The following DAB1 variants were observed in gnomAD, a reference collection of about 807,000 sequenced individuals.
DAB1 encodes DAB adaptor protein 1.
A neutral mutation model predicts 64.6 loss-of-function variants in DAB1; 15 were observed. The observed-to-expected ratio is 0.23, with a 90% CI of 0.16 to 0.36. DAB1 has a LOEUF of 0.36. Among genes scored for constraint, DAB1 ranks in the 10% least tolerant of loss-of-function variants. The pLI is 1.00. For missense variants in DAB1, 596 were observed against 706.7 expected (o/e 0.84, Z 1.78); for synonymous variants, 235 against 251.9 (o/e 0.93, Z 0.64).
chr1:57,504,507 TA>T lies in DAB1; in HGVS notation n.625+145084del, dbSNP rs568427773. Among the ~76,000 whole-genome samples the T allele has an allele frequency of 1.3e-3, 204 of 152,272 alleles. 1 individual carries two copies. Among genetic ancestry groups the T allele is most frequent in the African/African-American group, 4.7e-3 (197 of 41,556 alleles). On this transcript the variant is annotated intron_variant and non_coding_transcript_variant, in intron 7 of 20. Transcript: ENST00000485760. Reference sequence around the variant, plus strand: ...CAGTATTAGATTATAACACAAAGTATAAAATAAATATCCTTGAGTCCATACT... The same window carrying T: ...CAGTATTAGATTATAACACAAAGTATAAATAAATATCCTTGAGTCCATACT...
At chr1:57,714,288 G>A (rs1483120537) in intron 6 of DAB1, among the ~76,000 whole-genome samples, 4 of 152,228 alleles carry the variant, frequency 2.6e-5, no homozygotes, top group African/African-American at 9.6e-5. Context: ...CTTAACCAAT[G>A]TCACATAGCT....
chr1:57,697,459 G>A (rs532975789), intron 6 of DAB1, among the ~76,000 whole-genome samples: 39 of 143,930 alleles, frequency 2.7e-4, no homozygotes, highest in Admixed American at 5.6e-4. Context: ...AAGGAGGGGC[G>A]AAGTAGTACA....
intron 1 of DAB1, among the ~76,000 whole-genome samples, chr1:57,310,369 A>T (rs1037103128): frequency 1.3e-5 from 2 of 152,206 alleles, no homozygotes; most frequent in Non-Finnish European, 1.5e-5. Flanking sequence ...TGAGGCAGAA[A>T]TAAGCCAAGC....
intron 3 of DAB1, among the ~76,000 whole-genome samples, chr1:58,396,182 C>T (rs1644520518): frequency 6.6e-6 from 1 of 151,896 alleles, no homozygotes; most frequent in Non-Finnish European, 1.5e-5. Flanking sequence ...GTGCTGGGCT[C>T]ACACTTCAAG....
At chr1:57,419,493 TA>T (rs201933527) in intron 1 of DAB1, among the ~76,000 whole-genome samples, 25,565 of 131,610 alleles carry the variant, frequency 0.19, 2,238 homozygotes, top group Middle Eastern at 0.23. Context: ...TATTTCCAAT[TA>T]AAAAAAAAAA....
intron 5 of DAB1, among the ~76,000 whole-genome samples, chr1:58,025,089 TC>T (rs1646870039): frequency 1.3e-5 from 2 of 151,706 alleles, no homozygotes; most frequent in African/African-American, 4.8e-5. Flanking sequence ...CTTCCTTCCC[TC>T]ACTCCCTTTT....
At chr1:58,455,462 G>A (rs1258996250) in intron 3 of DAB1, among the ~76,000 whole-genome samples, 1 of 152,246 alleles carries the variant, frequency 6.6e-6, no homozygotes, top group African/African-American at 2.4e-5. Context: ...TGCAGGCACT[G>A]GCCATTGGAA....
chr1:57,573,233 T>A (rs1423338571), intron 7 of DAB1, among the ~76,000 whole-genome samples: 1 of 151,992 alleles, frequency 6.6e-6, no homozygotes, highest in African/African-American at 2.4e-5. Flanking sequence ...GACTCAGGTG[T>A]ATACCATCAC....
chr1:57,562,158 A>T (rs1390959388), intron 7 of DAB1, among the ~76,000 whole-genome samples: 1 of 152,200 alleles, frequency 6.6e-6, no homozygotes, highest in African/African-American at 2.4e-5. Context: ...GGACTACCTG[A>T]GTTCAGGAGT....
intron 1 of DAB1, among the ~76,000 whole-genome samples, chr1:57,312,973 G>T (rs1317542210): frequency 6.6e-6 from 1 of 152,158 alleles, no homozygotes; most frequent in Non-Finnish European, 1.5e-5. Flanking sequence ...TTGCTCTCAT[G>T]AAGCCCTGGG....
chr1:58,118,122 G>A (rs903312573), intron 5 of DAB1, among the ~76,000 whole-genome samples: 3 of 151,410 alleles, frequency 2.0e-5, no homozygotes, highest in African/African-American at 7.3e-5. Flanking sequence ...CATTGCCCAG[G>A]CTGGTCTTGA....
At chr1:57,126,671 T>C (rs1344446422) in intron 4 of DAB1, among the ~76,000 whole-genome samples, 3 of 152,168 alleles carry the variant, frequency 2.0e-5, no homozygotes, top group African/African-American at 7.2e-5. Context: ...ATTACTATTG[T>C]TTTCATTGGC....
intron 7 of DAB1, among the ~76,000 whole-genome samples, chr1:57,468,013 G>A (rs1437477786): frequency 6.6e-6 from 1 of 152,108 alleles, no homozygotes; most frequent in Non-Finnish European, 1.5e-5. Context: ...GAACTCCTGG[G>A]GCTGCCAGTC....
At chr1:57,541,434 A>C (rs1047971791) in intron 7 of DAB1, among the ~76,000 whole-genome samples, 1 of 152,150 alleles carries the variant, frequency 6.6e-6, no homozygotes, top group Admixed American at 6.5e-5. Context: ...CAGCCAATAA[A>C]AACTTTAAAA....
intron 7 of DAB1, among the ~76,000 whole-genome samples, chr1:57,442,316 A>G (rs1160062375): frequency 1.3e-5 from 2 of 152,240 alleles, no homozygotes; most frequent in Non-Finnish European, 2.9e-5. Flanking sequence ...AGTAGTAATC[A>G]TTAATTTGGA....
chr1:58,296,998 G>C (rs1459806083), intron 4 of DAB1, among the ~76,000 whole-genome samples: 1 of 152,186 alleles, frequency 6.6e-6, no homozygotes, highest in African/African-American at 2.4e-5. Flanking sequence ...AGCTTCTAGA[G>C]AGTGCAGCCT....
At chr1:58,261,009 G>A (rs1361606793) in intron 4 of DAB1, among the ~76,000 whole-genome samples, 1 of 152,056 alleles carries the variant, frequency 6.6e-6, no homozygotes, top group Non-Finnish European at 1.5e-5. Flanking sequence ...AATAATTTAT[G>A]TGCAATAATT....
intron 1 of DAB1, among the ~76,000 whole-genome samples, chr1:57,293,825 C>T (rs1672978355): frequency 6.6e-6 from 1 of 152,072 alleles, no homozygotes; most frequent in Non-Finnish European, 1.5e-5. Flanking sequence ...TCTTCTTCAA[C>T]CTTATAAATC....
intron 1 of DAB1, among the ~76,000 whole-genome samples, chr1:58,544,413 A>G (rs961005676): frequency 1.3e-5 from 2 of 152,246 alleles, no homozygotes; most frequent in Non-Finnish European, 2.9e-5. Flanking sequence ...AGTATATACA[A>G]AAATAAATCT....
Sources: allele counts gnomAD v4.1 joint callset (sites outside exome capture counted in the v4.1 genomes callset), GRCh38; gene constraint gnomAD v4.1.1; transcripts MANE v1.5; gene names NCBI Gene and HGNC (gene_info 2026-07-23, HGNC 2026-07-21).